Variants in ABCA12 observed in about 807,000 individuals in gnomAD.
ABCA12 encodes the protein ATP binding cassette subfamily A member 12.
A neutral mutation model predicts 293.5 loss-of-function variants in ABCA12; 156 were observed. The ratio of observed to expected loss-of-function variants is 0.53; its 90% CI spans 0.47 to 0.61. The LOEUF is 0.61. Among genes scored for constraint, ABCA12 ranks in the 20% least tolerant of loss-of-function variants. The pLI, the probability that ABCA12 is intolerant of heterozygous loss-of-function variation, is 0.00. For missense variants in ABCA12, 2,797 were observed against 3,090.2 expected, an observed-to-expected ratio of 0.91 and a Z score of 2.25; for synonymous variants, 1,063 against 1,108.0, an observed-to-expected ratio of 0.96 and a Z score of 0.81.
At chr2:215,006,706 C>T (rs1290823164) in intron 19 of ABCA12, among the ~76,000 whole-genome samples, 1 of 151,986 alleles carries the variant, frequency 6.6e-6, no homozygotes, top group African/African-American at 2.4e-5. Flanking sequence ...CTTTGATATG[C>T]AAGCCAGTCT....
At chr2:215,083,633 A>G (rs1701985562) in intron 2 of ABCA12, among the ~76,000 whole-genome samples, 1 of 152,210 alleles carries the variant, frequency 6.6e-6, no homozygotes, top group Non-Finnish European at 1.5e-5. Flanking sequence ...TATCTAGAGT[A>G]TACTAACTAT....
At chr2:215,022,387 G>A (rs181894426) in intron 11 of ABCA12, 2 of 152,268 alleles carry the variant, frequency 1.3e-5, no homozygotes, top group East Asian at 3.9e-4. Context: ...AATGTGGAAG[G>A]CATTGAGAAG....
At chr2:214,984,393 G>GC (rs1349663348) in intron 28 of ABCA12, among the ~76,000 whole-genome samples, 1 of 152,184 alleles carries the variant, frequency 6.6e-6, no homozygotes, top group Non-Finnish European at 1.5e-5. Flanking sequence ...ACTGCGCCCA[G>GC]CCATGATTGG....
intron 11 of ABCA12, 60 bp downstream of exon 11, chr2:215,025,613 T>G: frequency 8.6e-7 from 1 of 1,158,646 alleles, no homozygotes; most frequent in South Asian, 1.4e-5. Context: ...TTTTTTTTGT[T>G]TGTTTTGTCT....
intron 17 of ABCA12, 151 bp from the exon 18 acceptor site, chr2:215,010,621 A>G (rs1178033643): frequency 4.4e-5 from 40 of 911,990 alleles, no homozygotes; most frequent in Non-Finnish European, 6.7e-5. Context: ...ATCTGGTGTC[A>G]AAGTAAGAAA....
rs1698628750 is a variant in ABCA12, at chr2:214,947,789, C to T, written c.7105-233G>A. On this transcript the variant is annotated intron_variant, in intron 47 of 52. Transcript: ENST00000272895. The stretch of plus-strand genomic sequence containing the variant: ...GGCTCATTTTCAGATGGGATTCCCT[C>T]CCCCACCAAACGTGTGTGTGTGTTT... 5.6e-6 allele frequency: 3 copies of T among 533,156 alleles called. No individual in the cohort carries two copies. In the African/African-American group the frequency reaches 5.7e-5, roughly 10 times the overall value. The allele number at this position is 533,156 out of a possible 1,614,324, so 33.0% of individuals were successfully genotyped here. A position where few individuals can be genotyped will look rare whatever the true frequency, so the allele number is the denominator to read the frequency against.
At chr2:214,985,316 T>C (rs1574962932) in intron 28 of ABCA12, among the ~76,000 whole-genome samples, 1 of 152,096 alleles carries the variant, frequency 6.6e-6, no homozygotes, top group East Asian at 1.9e-4. Flanking sequence ...GAAAACCAAA[T>C]ACAAATATGT....
At chr2:215,131,348 T>G (rs1348722545) in intron 1 of ABCA12, among the ~76,000 whole-genome samples, 3 of 152,072 alleles carry the variant, frequency 2.0e-5, no homozygotes, top group African/African-American at 7.2e-5. Context: ...AATTTGGCCA[T>G]GAATCCATCT....
chr2:215,010,430 C>A lies in ABCA12; in HGVS notation c.2373G>T (p.Met791Ile), dbSNP rs774167005. The change falls in exon 18 of 53, where the codon ATG becomes ATT. Residue 791 changes from methionine (M) to isoleucine (I), a missense_variant. Around this residue, in one of 3 missense-constraint regions of ABCA12, gnomAD observed 2,130 missense variants for 2,427.0 expected, o/e 0.88. Transcript: ENST00000272895. The part of the protein sequence containing the change: ...CFSLYKDIIN[M>I]PAGPVIWAFL... Reference sequence around the variant, plus strand: ...AAGCCCAAATCACAGGTCCAGCGGGCATGTTAATGATGTCTTTATAAAGGG... The same window carrying A: ...AAGCCCAAATCACAGGTCCAGCGGGAATGTTAATGATGTCTTTATAAAGGG... 1.9e-6 allele frequency: 3 copies of A among 1,613,598 alleles called. No individual in the cohort carries two copies. In the African/African-American group the frequency reaches 4.0e-5, roughly 22 times the overall value.
chr2:214,943,020 A>G lies in ABCA12; in HGVS notation c.7344-3T>C. The G allele has an allele frequency of 6.2e-7, 1 of 1,612,090 alleles. No homozygotes were observed. Among genetic ancestry groups the G allele is most frequent in the South Asian group, 1.1e-5 (1 of 91,062 alleles). On this transcript the variant is annotated splice_region_variant and splice_polypyrimidine_tract_variant and intron_variant, in intron 49 of 52. Transcript: ENST00000272895. ...AGAGAGCTTCACATTCTTCCATGCTAAAAGACAAAGCAGGATCATATTAGC... is the reference window on the plus strand; with the variant it reads ...AGAGAGCTTCACATTCTTCCATGCTGAAAGACAAAGCAGGATCATATTAGC...
chr2:215,080,290 G>T (rs1701912109), intron 2 of ABCA12, among the ~76,000 whole-genome samples: 1 of 152,252 alleles, frequency 6.6e-6, no homozygotes, highest in Non-Finnish European at 1.5e-5. Flanking sequence ...CTGAGGCAGG[G>T]AGTTCGAGAC....
At chr2:215,094,964 T>C (rs1267700750) in intron 2 of ABCA12, among the ~76,000 whole-genome samples, 1 of 152,174 alleles carries the variant, frequency 6.6e-6, no homozygotes, top group African/African-American at 2.4e-5. Context: ...TACATGTGTC[T>C]ACCTATCAAT....
rs753421926 is a variant in ABCA12, at chr2:214,978,419, AC to A, written c.5024del (p.Ser1675IlefsTer5). 6.2e-7 allele frequency: 1 copy of A among 1,613,784 alleles called. No homozygotes were observed. The highest frequency in any genetic ancestry group is 1.7e-5 in the Admixed American group (1 of 59,998). The part of the protein sequence containing the change: ...TKESQKNSAM[S>X]LEHLTQKKIG... ...TTTTCTTTTGTGTTAAGTGCTCAAG[AC>A]TCATAGCACTATTTTTTTGTGACTC... On this transcript the variant is annotated frameshift_variant, in exon 33 of 53. Coordinates refer to ENST00000272895, the MANE Select transcript of ABCA12 (RefSeq NM_173076.3). LOFTEE classifies it high-confidence loss of function.
intron 44 of ABCA12, among the ~76,000 whole-genome samples, chr2:214,951,671 T>A (rs1669645602): frequency 6.6e-6 from 1 of 152,072 alleles, no homozygotes. Context: ...GCAGGAGAAT[T>A]GCTTGAACCT....
At chr2:215,096,067 A>G (rs2106111870) in intron 2 of ABCA12, among the ~76,000 whole-genome samples, 1 of 152,346 alleles carries the variant, frequency 6.6e-6, no homozygotes, top group East Asian at 1.9e-4. Flanking sequence ...ACCTGGGTTC[A>G]AGTAGGAAGC....
intron 3 of ABCA12, among the ~76,000 whole-genome samples, chr2:215,058,932 G>A (rs184723133): frequency 3.3e-5 from 5 of 151,952 alleles, no homozygotes; most frequent in Admixed American, 6.6e-5. Flanking sequence ...TATATATATC[G>A]TCTTAATGGT....
chr2:214,962,482 T>C (rs915303936), intron 39 of ABCA12: 1 of 152,170 alleles, frequency 6.6e-6, no homozygotes, highest in Non-Finnish European at 1.5e-5. Context: ...TTTGCCCAGG[T>C]ATAGAACTTC....
chr2:214,987,042 C>T (rs2105972130), intron 27 of ABCA12, among the ~76,000 whole-genome samples: 1 of 152,210 alleles, frequency 6.6e-6, no homozygotes, highest in African/African-American at 2.4e-5. Flanking sequence ...AGGCTTGGTC[C>T]TCTGGTTGGG....
At chr2:215,007,669 A>G in intron 19 of ABCA12, 58 bp downstream of exon 19, 6 of 1,608,248 alleles carry the variant, frequency 3.7e-6, no homozygotes, top group Non-Finnish European at 5.1e-6. Context: ...ATTGAAGGCA[A>G]TTAAAATCTC....
Sources: allele counts gnomAD v4.1 joint callset (sites outside exome capture counted in the v4.1 genomes callset), GRCh38; gene constraint gnomAD v4.1.1; regional missense constraint gnomAD v4.1.1; transcripts MANE v1.5; gene names NCBI Gene and HGNC (gene_info 2026-07-23, HGNC 2026-07-21).